PTCSC3: variants seen among roughly 807,000 people sequenced by gnomAD.
The protein encoded by PTCSC3 is papillary thyroid carcinoma susceptibility candidate 3 (non-protein coding).
At chr14:36,138,832 T>C (rs973136545) in intron 3 of PTCSC3, among the ~76,000 whole-genome samples, 1 of 152,114 alleles carries the variant, frequency 6.6e-6, no homozygotes, top group Non-Finnish European at 1.5e-5. Flanking sequence ...GAAATGCATA[T>C]ATGTGGCCGG....
At chr14:36,173,815 C>A (rs991891491) in intron 1 of PTCSC3, among the ~76,000 whole-genome samples, 4 of 152,070 alleles carry the variant, frequency 2.6e-5, no homozygotes, top group Non-Finnish European at 4.4e-5. Context: ...CAGCAAATGT[C>A]TTTATTTAAC....
intron 3 of PTCSC3, among the ~76,000 whole-genome samples, chr14:36,149,556 TG>T (rs1156454838): frequency 1.3e-5 from 2 of 152,256 alleles, no homozygotes; most frequent in African/African-American, 4.8e-5. Flanking sequence ...TTGCTGGATC[TG>T]TGCATTACAG....
intron 3 of PTCSC3, among the ~76,000 whole-genome samples, chr14:36,152,613 C>T (rs918323530): frequency 1.1e-4 from 17 of 152,272 alleles, no homozygotes; most frequent in South Asian, 4.1e-4. Context: ...AACAACAAAA[C>T]GAGGCGCAGT....
intron 1 of PTCSC3, among the ~76,000 whole-genome samples, chr14:36,167,285 C>T (rs1882108086): frequency 6.6e-6 from 1 of 152,104 alleles, no homozygotes; most frequent in South Asian, 2.1e-4. Context: ...AGCTAGCTGG[C>T]CCATTTCCTC....
chr14:36,169,943 A>G (rs949799965), intron 1 of PTCSC3, among the ~76,000 whole-genome samples: 1 of 152,164 alleles, frequency 6.6e-6, no homozygotes, highest in African/African-American at 2.4e-5. Flanking sequence ...TAAGTGCTGT[A>G]ATAGAGACAT....
At chr14:36,138,497 A>G (rs1337256799) in intron 3 of PTCSC3, among the ~76,000 whole-genome samples, 1 of 152,198 alleles carries the variant, frequency 6.6e-6, no homozygotes, top group Non-Finnish European at 1.5e-5. Flanking sequence ...ACTCAATAAG[A>G]GACAGACAAC....
At chr14:36,175,954 T>TA (rs1266260714) in intron 1 of PTCSC3, among the ~76,000 whole-genome samples, 1 of 152,140 alleles carries the variant, frequency 6.6e-6, no homozygotes, top group African/African-American at 2.4e-5. Context: ...TTTATTCCCA[T>TA]AAGTGTATTA....
chr14:36,169,188 C>A (rs1323095975), intron 1 of PTCSC3, among the ~76,000 whole-genome samples: 1 of 152,086 alleles, frequency 6.6e-6, no homozygotes, highest in African/African-American at 2.4e-5. Context: ...TAAAACTCAG[C>A]TGTGGGACAA....
intron 1 of PTCSC3, among the ~76,000 whole-genome samples, chr14:36,175,193 C>T (rs1882261674): frequency 6.6e-6 from 1 of 152,156 alleles, no homozygotes; most frequent in Non-Finnish European, 1.5e-5. Flanking sequence ...ATGCTCTGCT[C>T]AGACTCCAGG....
chr14:36,154,550 A>T (rs1292713648), intron 2 of PTCSC3, among the ~76,000 whole-genome samples: 7 of 152,092 alleles, frequency 4.6e-5, no homozygotes, highest in East Asian at 3.9e-4. Context: ...ACTTACTATC[A>T]CTCTAGGAAC....
chr14:36,160,011 T>C (rs1881920953), intron 2 of PTCSC3, among the ~76,000 whole-genome samples: 1 of 152,188 alleles, frequency 6.6e-6, no homozygotes, highest in South Asian at 2.1e-4. Context: ...TCTTTATTGG[T>C]TTAAAGTCTG....
intron 3 of PTCSC3, among the ~76,000 whole-genome samples, chr14:36,142,254 C>T (rs1388876276): frequency 6.6e-6 from 1 of 152,074 alleles, no homozygotes; most frequent in Non-Finnish European, 1.5e-5. Flanking sequence ...TTTTCAAATG[C>T]TTTTGCTGCA....
intron 2 of PTCSC3, among the ~76,000 whole-genome samples, chr14:36,154,381 T>G (rs910579230): frequency 2.0e-5 from 3 of 152,170 alleles, no homozygotes; most frequent in African/African-American, 7.2e-5. Flanking sequence ...CCTCCAAAAT[T>G]ATGCACACAT....
chr14:36,139,572 A>C (rs1218748390), intron 3 of PTCSC3, among the ~76,000 whole-genome samples: 2 of 152,084 alleles, frequency 1.3e-5, no homozygotes, highest in African/African-American at 4.8e-5. Context: ...CCCCCAATAC[A>C]CACACACAAC....
chr14:36,169,677 G>C (rs1321146271), intron 1 of PTCSC3, among the ~76,000 whole-genome samples: 1 of 152,060 alleles, frequency 6.6e-6, no homozygotes, highest in Non-Finnish European at 1.5e-5. Flanking sequence ...GTACCTCTTT[G>C]TCCTCCCAGT....
At chr14:36,140,063 T>C (rs1324528637) in intron 3 of PTCSC3, among the ~76,000 whole-genome samples, 2 of 152,216 alleles carry the variant, frequency 1.3e-5, no homozygotes, top group African/African-American at 4.8e-5. Context: ...TTTTCTAAGA[T>C]GTCATGTAGT....
At chr14:36,151,777 G>T (rs1881729876) in intron 3 of PTCSC3, among the ~76,000 whole-genome samples, 1 of 152,292 alleles carries the variant, frequency 6.6e-6, no homozygotes, top group African/African-American at 2.4e-5. Context: ...GCCAGCCTTT[G>T]TTATAGAGGA....
intron 2 of PTCSC3, among the ~76,000 whole-genome samples, chr14:36,161,037 T>G (rs767801353): frequency 2.0e-5 from 3 of 152,218 alleles, no homozygotes; most frequent in Non-Finnish European, 4.4e-5. Flanking sequence ...GTATGCTTCA[T>G]GAAGTTCTCG....
At chr14:36,174,432 G>C (rs574251972) in intron 1 of PTCSC3, among the ~76,000 whole-genome samples, 4 of 152,126 alleles carry the variant, frequency 2.6e-5, no homozygotes, top group African/African-American at 9.6e-5. Context: ...TTTATCTGCT[G>C]TTTTCCATTT....
Sources: gnomAD v4.1 joint callset for allele counts (sites outside exome capture counted in the v4.1 genomes callset) on GRCh38, gnomAD v4.1.1 for gene constraint, MANE v1.5 for transcripts, NCBI Gene and HGNC (gene_info 2026-07-23, HGNC 2026-07-21) for gene names.